The following SUFU variants were observed in gnomAD, a reference collection of about 807,000 sequenced individuals.
SUFU encodes the protein SUFU negative regulator of hedgehog signaling, also known as suppressor of fused homolog.
SUFU carries 7 observed loss-of-function variants against 58.9 expected under a neutral mutation model. The ratio of observed to expected loss-of-function variants is 0.12; its 90% CI spans 0.07 to 0.22. The LOEUF is 0.22. Among genes scored for constraint, SUFU ranks in the 10% least tolerant of loss-of-function variants. The pLI, the probability that SUFU is intolerant of heterozygous loss-of-function variation, is 1.00. For missense variants in SUFU, 451 were observed against 641.3 expected (o/e 0.70, Z 3.20); for synonymous variants, 232 against 254.8 (o/e 0.91, Z 0.85).
At chr10:102,530,234 A>G (rs2135694164) in intron 2 of SUFU, among the ~76,000 whole-genome samples, 1 of 152,094 alleles carries the variant, frequency 6.6e-6, no homozygotes, top group African/African-American at 2.4e-5. Flanking sequence ...TGCTGGAGTA[A>G]TATGTTAATA....
chr10:102,580,029 A>ACCCC (rs71474507), intron 3 of SUFU, among the ~76,000 whole-genome samples: 869 of 84,142 alleles, frequency 0.01, 9 homozygotes, highest in East Asian at 0.021. Context: ...CCTCCCCCGC[A>ACCCC]CCCCCCCCCC....
intron 3 of SUFU, among the ~76,000 whole-genome samples, chr10:102,556,420 T>A (rs369135769): frequency 6.6e-6 from 1 of 152,118 alleles, no homozygotes; most frequent in Non-Finnish European, 1.5e-5. Flanking sequence ...ATAGACAGAT[T>A]AGGGTGATTT....
chr10:102,591,328 A>C (rs1428426156), intron 3 of SUFU, among the ~76,000 whole-genome samples: 2 of 152,010 alleles, frequency 1.3e-5, no homozygotes, highest in Non-Finnish European at 2.9e-5. Context: ...GTGAAATCCC[A>C]CCTCTACTAA....
In SUFU at chr10:102,504,045, C is replaced by G; in HGVS notation, c.-108C>G. 1 of 1,401,128 alleles carries G rather than the reference C, an allele frequency of 7.1e-7. No homozygotes were observed. Among genetic ancestry groups the G allele is most frequent in the Non-Finnish European group, 9.4e-7 (1 of 1,064,324 alleles). 86.8% of individuals were successfully genotyped at this position (1,401,128 alleles called of 1,614,324 possible). ...CGCGGAGCTAGACCTCGCTGCAGCC[C>G]CCATCGCCTCGGGGAGTCTCACCCA... On this transcript the variant is annotated 5_prime_UTR_variant, in exon 1 of 12. Transcript: ENST00000369902.
At chr10:102,534,959 A>C (rs746598915) in intron 2 of SUFU, among the ~76,000 whole-genome samples, 2 of 152,032 alleles carry the variant, frequency 1.3e-5, no homozygotes, top group African/African-American at 2.4e-5. Flanking sequence ...CCACTGAAGG[A>C]AAAGGTCTGC....
intron 2 of SUFU, among the ~76,000 whole-genome samples, chr10:102,535,297 C>G (rs1436144636): frequency 1.3e-5 from 2 of 151,876 alleles, no homozygotes; most frequent in Admixed American, 1.3e-4. Context: ...CCATCCTGGC[C>G]AACATGGAGA....
chr10:102,533,813 C>T (rs1686789342), intron 2 of SUFU, among the ~76,000 whole-genome samples: 2 of 152,204 alleles, frequency 1.3e-5, no homozygotes, highest in Admixed American at 6.5e-5. Flanking sequence ...AGATCCCTAA[C>T]TGAATTACAT....
chr10:102,606,660 C>A (rs2063565061), intron 8 of SUFU, among the ~76,000 whole-genome samples: 1 of 152,276 alleles, frequency 6.6e-6, no homozygotes. Flanking sequence ...GAAACAGGGT[C>A]TTTGATGCCT....
intron 10 of SUFU, among the ~76,000 whole-genome samples, chr10:102,626,106 GGTCTGCA>G (rs2063784291): frequency 6.6e-6 from 1 of 152,180 alleles, no homozygotes; most frequent in African/African-American, 2.4e-5. Flanking sequence ...GGTACAGAAG[GGTCTGCA>G]GTGGAGGGAG....
Position 102,631,523 on chromosome 10 carries a change from T to A in SUFU, c.*1368T>A. On this transcript the variant is annotated 3_prime_UTR_variant, in exon 12 of 12. Coordinates refer to ENST00000369902, the MANE Select transcript of SUFU (RefSeq NM_016169.4). ...TTACCCCCAACTCTAGGGATGGGAC[T>A]GTTACAATACTTCAAGATCACTCTT... 4.3e-6 allele frequency: 1 copy of A among 233,552 alleles called. No homozygotes were observed. The highest frequency in any genetic ancestry group is 8.5e-6 in the Non-Finnish European group (1 of 118,252). 14.5% of individuals were successfully genotyped at this position (233,552 alleles called of 1,614,324 possible). A position where few individuals can be genotyped will look rare whatever the true frequency, so the allele number is the denominator to read the frequency against.
At chr10:102,613,800 T>C (rs1233935489) in intron 8 of SUFU, among the ~76,000 whole-genome samples, 1 of 152,172 alleles carries the variant, frequency 6.6e-6, no homozygotes, top group Non-Finnish European at 1.5e-5. Flanking sequence ...GAGCAAATCT[T>C]AGAATGCAAA....
At chr10:102,549,481 A>C (rs1330113542) in intron 2 of SUFU, among the ~76,000 whole-genome samples, 1 of 152,120 alleles carries the variant, frequency 6.6e-6, no homozygotes, top group African/African-American at 2.4e-5. Context: ...ACACGTGGAG[A>C]CTATGGGGAT....
At chr10:102,607,590 C>G (rs1008960111) in intron 8 of SUFU, among the ~76,000 whole-genome samples, 5 of 152,086 alleles carry the variant, frequency 3.3e-5, no homozygotes, top group African/African-American at 1.2e-4. Context: ...CTCATCTTCC[C>G]TAGTGGGGAG....
intron 5 of SUFU, 102 bp downstream of exon 5, chr10:102,593,823 A>C: frequency 7.0e-7 from 1 of 1,423,360 alleles, no homozygotes; most frequent in Non-Finnish European, 9.8e-7. Flanking sequence ...GTTATTTCAG[A>C]CCCTGGTTTT....
At chr10:102,506,088 C>T (rs559037983) in intron 1 of SUFU, among the ~76,000 whole-genome samples, 1 of 149,406 alleles carries the variant, frequency 6.7e-6, no homozygotes, top group African/African-American at 2.5e-5. Flanking sequence ...GGCTCTGCCA[C>T]GCTGTTTGTT....
rs994193630 is a variant in SUFU, at chr10:102,617,822, T to G, written c.1296+394T>G. 2 of 460,708 alleles carry G rather than the reference T, an allele frequency of 4.3e-6. No individual in the cohort carries two copies. 28.5% of individuals were successfully genotyped at this position (460,708 alleles called of 1,614,324 possible). On this transcript the variant is annotated intron_variant, in intron 10 of 11. Transcript: ENST00000369902. The surrounding 1 kb of genome is among the most constrained non-coding windows in gnomAD (Gnocchi z 4.4). ...TGGAGGCCACTCTCCAATGGCTACA[T>G]GGAAATCCCACCAGAATTCAGACAG...
At chr10:102,505,019 C>A (rs560160923) in intron 1 of SUFU, among the ~76,000 whole-genome samples, 3 of 152,308 alleles carry the variant, frequency 2.0e-5, no homozygotes, top group African/African-American at 7.2e-5. Context: ...AGAGCTTCCT[C>A]CTAGCTCTGC....
chr10:102,544,839 T>C (rs528548704), intron 2 of SUFU, among the ~76,000 whole-genome samples: 1 of 152,368 alleles, frequency 6.6e-6, no homozygotes, highest in South Asian at 2.1e-4. Context: ...TTGTCTATTA[T>C]GGACATTTCA....
At chr10:102,510,041 A>G (rs2062380784) in intron 2 of SUFU, among the ~76,000 whole-genome samples, 1 of 151,714 alleles carries the variant, frequency 6.6e-6, no homozygotes, top group Non-Finnish European at 1.5e-5. Context: ...GGGTTTCACC[A>G]TGTTGCCCAG....
Sources: allele counts gnomAD v4.1 joint callset (sites outside exome capture counted in the v4.1 genomes callset), GRCh38; gene constraint gnomAD v4.1.1; non-coding constraint Gnocchi (gnomAD v3.1); transcripts MANE v1.5; gene names NCBI Gene and HGNC (gene_info 2026-07-23, HGNC 2026-07-21).